CTBP1: variants seen among roughly 807,000 people sequenced by gnomAD.
The protein encoded by CTBP1 is C-terminal binding protein 1.
Under a neutral mutation model 42.1 loss-of-function variants are expected in CTBP1, and 11 were observed. The observed-to-expected ratio is 0.26, with a 90% CI of 0.16 to 0.43. The LOEUF (loss-of-function observed/expected upper bound fraction) is 0.43. Ranked by LOEUF, CTBP1 falls within the 20% of genes least tolerant of loss-of-function variation. The pLI is 1.00. For missense variants in CTBP1, 399 were observed against 624.3 expected (o/e 0.64, Z 3.85); for synonymous variants, 324 against 277.1 (o/e 1.17, Z -1.68).
chr4:1,228,168 G>A, intron 4 of CTBP1, 31 bp downstream of exon 4: 1 of 1,611,350 alleles, frequency 6.2e-7, no homozygotes, highest in Non-Finnish European at 8.5e-7. Context: ...TTGCATGAAT[G>A]GGCACAGGAG....
intron 4 of CTBP1, 49 bp from the exon 5 acceptor site, chr4:1,225,615 C>T (rs1048313594): frequency 1.1e-4 from 163 of 1,503,582 alleles, no homozygotes; most frequent in Non-Finnish European, 1.3e-4. Context: ...GCCCAGCCTC[C>T]GGGAGGACAC....
At position 1,248,638 on chromosome 4, in the gene CTBP1, G is replaced by A. The variant is rs1336617586; in HGVS notation, c.-189+278C>T. The A allele has an allele frequency of 6.1e-6, 6 of 977,190 alleles. No individual in the cohort carries two copies. In the African/African-American group the frequency reaches 1.1e-4, roughly 17 times the overall value. The allele number at this position is 977,190 out of a possible 1,614,324, so 60.5% of individuals were successfully genotyped here. A position where few individuals can be genotyped will look rare whatever the true frequency, so the allele number is the denominator to read the frequency against. On this transcript the variant is annotated intron_variant, in intron 1 of 9. Coordinates refer to ENST00000382952, the MANE Select transcript of CTBP1 (RefSeq NM_001012614.2). Reference sequence around the variant, plus strand: ...GGGGGTCCGGCGGGGCAGCCCAGAGGCCCACAGGCCCTTTTGTGTCACCTG... The same window carrying A: ...GGGGGTCCGGCGGGGCAGCCCAGAGACCCACAGGCCCTTTTGTGTCACCTG...
intron 5 of CTBP1, among the ~76,000 whole-genome samples, chr4:1,219,057 C>T (rs534352526): frequency 2.3e-4 from 35 of 152,240 alleles, no homozygotes; most frequent in Admixed American, 8.5e-4. Context: ...AGAAGTCAGG[C>T]GCCGTGGCTC....
In CTBP1 at chr4:1,230,921, C is replaced by T. The variant is rs113018281; in HGVS notation, c.163-2578G>A. On this transcript the variant is annotated intron_variant, in intron 3 of 9. Transcript: ENST00000382952. ...GCGCCCACCCAGCTGAGCTGTGAAG[C>T]GCAAGCTGCCTCCCCGACGAGGCTT... Among the ~76,000 whole-genome samples, 531 of 152,374 alleles carry T rather than the reference C, an allele frequency of 3.5e-3. 4 individuals carry two copies. The highest frequency in any genetic ancestry group is 0.012 in the African/African-American group (506 of 41,586).
intron 3 of CTBP1, among the ~76,000 whole-genome samples, chr4:1,231,820 C>T (rs748754269): frequency 6.6e-5 from 10 of 152,218 alleles, no homozygotes; most frequent in Non-Finnish European, 1.0e-4. Context: ...CCGGCACGGC[C>T]GTTTCTATCC....
chr4:1,226,325 C>G (rs1050774683), intron 4 of CTBP1, among the ~76,000 whole-genome samples: 2 of 152,092 alleles, frequency 1.3e-5, no homozygotes, highest in East Asian at 1.9e-4. Flanking sequence ...TTCCTGTGTC[C>G]GACTGGCCAT....
rs917203654 is a variant in CTBP1 at position 1,248,994 on chromosome 4, C to A, written c.-267G>T. 194 of 959,908 alleles carry A rather than the reference C, an allele frequency of 2.0e-4. No homozygotes were observed. In the African/African-American group the frequency reaches 3.3e-3, roughly 16 times the overall value. The allele number at this position is 959,908 out of a possible 1,614,324, so 59.5% of individuals were successfully genotyped here. On this transcript the variant is annotated 5_prime_UTR_variant, in exon 1 of 10. Coordinates refer to ENST00000382952, the MANE Select transcript of CTBP1 (RefSeq NM_001012614.2). ...CGGCCGCGGGCCCCGACCACTCCGG[C>A]GCGCTGCGCCGCCGCGAGCCCGGCG... is the stretch of plus-strand genomic sequence containing the variant.
At position 1,238,352 on chromosome 4, in the gene CTBP1, C is replaced by T; in HGVS notation, c.8-15G>A. The T allele has an allele frequency of 2.6e-6, 4 of 1,548,182 alleles. No individual in the cohort carries two copies. The highest frequency in any genetic ancestry group is 1.9e-5 in the Admixed American group (1 of 53,810). ...AGGTCGGACGCCTGCAAGACAGAGG[C>T]AAGTGCTCAGCCTTGCACCACTGCG... On this transcript the variant is annotated splice_polypyrimidine_tract_variant and intron_variant, in intron 2 of 9. Transcript: ENST00000382952. The surrounding 1 kb of genome is among the most constrained non-coding windows in gnomAD (Gnocchi z 5.9).
chr4:1,239,649 C>T (rs1365802660), intron 2 of CTBP1, among the ~76,000 whole-genome samples: 2 of 152,348 alleles, frequency 1.3e-5, no homozygotes, highest in Non-Finnish European at 2.9e-5. Context: ...GCCTGCAGCA[C>T]ACGCCTGCAG....
chr4:1,244,699 C>T lies in CTBP1; in HGVS notation c.-188-3180G>A, dbSNP rs1190094190. ...AAGGCTGGGTGGTCTCAGCGGCCCT[C>T]ACCCTGCCCTGTCCCCATAAGCCCT... On this transcript the variant is annotated intron_variant, in intron 1 of 9. Coordinates refer to ENST00000382952, the MANE Select transcript of CTBP1 (RefSeq NM_001012614.2). The T allele has an allele frequency of 7.1e-6, 7 of 985,318 alleles. No individual in the cohort carries two copies. In the Admixed American group the frequency reaches 3.1e-4, roughly 43 times the overall value. The allele number at this position is 985,318 out of a possible 1,614,324, so 61.0% of individuals were successfully genotyped here.
chr4:1,228,512 G>C (rs547111440), intron 3 of CTBP1, among the ~76,000 whole-genome samples, 169 bp from the exon 4 acceptor site: 5 of 152,174 alleles, frequency 3.3e-5, no homozygotes, highest in Non-Finnish European at 7.4e-5. Flanking sequence ...CCCGCCACGC[G>C]CGGCCCCTCA....
rs146416017 is a variant in CTBP1, at chr4:1,238,210, C to A, written c.135G>T (p.Ala45=). 6.8e-6 allele frequency: 11 copies of A among 1,612,828 alleles called. No homozygotes were observed. Among genetic ancestry groups the A allele is most frequent in the Middle Eastern group, 3.3e-4 (2 of 6,084 alleles). ...TCTCATGGATCTCCTGCGTGGACTG[C>A]GCGTCGCAGAAGGCCACAGTGGCCA... ...KDVATVAFCD[A]QSTQEIHEKV... The change falls in exon 3 of 10, where the codon GCG becomes GCT. Residue 45 remains alanine, a synonymous_variant. Transcript: ENST00000382952. This position sits in a 1 kb window ranked among gnomAD's most constrained non-coding sequence, Gnocchi z 5.9.
At chr4:1,220,492 A>G (rs1229607832) in intron 5 of CTBP1, among the ~76,000 whole-genome samples, 1 of 152,198 alleles carries the variant, frequency 6.6e-6, no homozygotes, top group African/African-American at 2.4e-5. Flanking sequence ...CCCAAAACTG[A>G]TTTTAAGGAC....
intron 1 of CTBP1, among the ~76,000 whole-genome samples, chr4:1,246,830 G>C (rs1048052526): frequency 6.7e-6 from 1 of 149,068 alleles, no homozygotes; most frequent in Non-Finnish European, 1.5e-5. Context: ...CTTCTGTCCA[G>C]GGTTCCTCCA....
chr4:1,242,368 G>C (rs959597127), intron 1 of CTBP1: 1 of 985,396 alleles, frequency 1.0e-6, no homozygotes. Context: ...ACCAGGACAG[G>C]AGCCGGCCAC....
rs1340783786 is a variant in CTBP1, at chr4:1,220,302, AG to A, written c.515-4098del. On this transcript the variant is annotated intron_variant, in intron 5 of 9. Coordinates refer to ENST00000382952, the MANE Select transcript of CTBP1 (RefSeq NM_001012614.2). ...CAAGACTGTCTCCAAAAAAAAAAAAAGAAAAAAAGAATTAAACATTTATAAC... is the reference window on the plus strand; with the variant it reads ...CAAGACTGTCTCCAAAAAAAAAAAAAAAAAAAAGAATTAAACATTTATAAC... Among the ~76,000 whole-genome samples, 20 of 152,150 alleles carry A rather than the reference AG, an allele frequency of 1.3e-4. No individual in the cohort carries two copies. The East Asian group carries it at 3.9e-3, about 29-fold the overall frequency.
intron 5 of CTBP1, among the ~76,000 whole-genome samples, chr4:1,222,073 G>A (rs1205587370): frequency 3.9e-5 from 6 of 152,224 alleles, no homozygotes; most frequent in Non-Finnish European, 5.9e-5. Context: ...CAGACAGTGT[G>A]TGCACAGCAG....
At position 1,238,142 on chromosome 4, in the gene CTBP1, A is replaced by C. The variant is rs181443220; in HGVS notation, c.162+41T>G. On this transcript the variant is annotated intron_variant, in intron 3 of 9. Transcript: ENST00000382952. The surrounding 1 kb of genome is among the most constrained non-coding windows in gnomAD (Gnocchi z 5.9). ...GCTCCCGTCCCTCCAACTCCCCCCA[A>C]CGTGCGGTTCTGCCAGCCCCAGGCG... 5 of 1,611,790 alleles carry C rather than the reference A, an allele frequency of 3.1e-6. No individual in the cohort carries two copies. The highest frequency in any genetic ancestry group is 1.7e-5 in the Admixed American group (1 of 59,984).
chr4:1,239,467 G>A (rs1731928537), intron 2 of CTBP1, among the ~76,000 whole-genome samples: 1 of 152,200 alleles, frequency 6.6e-6, no homozygotes, highest in Non-Finnish European at 1.5e-5. Context: ...GCTCTCCAGT[G>A]GCCGCGGCCA....
Sources: allele counts gnomAD v4.1 joint callset (sites outside exome capture counted in the v4.1 genomes callset), GRCh38; gene constraint gnomAD v4.1.1; non-coding constraint Gnocchi (gnomAD v3.1); transcripts MANE v1.5; gene names NCBI Gene and HGNC (gene_info 2026-07-23, HGNC 2026-07-21).